Variants in HIPK2 observed in about 807,000 individuals in gnomAD.
The protein encoded by HIPK2 is homeodomain-interacting protein kinase 2.
Under a neutral mutation model 113.7 loss-of-function variants are expected in HIPK2, and 27 were observed. That is an observed-to-expected ratio of 0.24 (90% confidence interval 0.17 to 0.33). The LOEUF is 0.33. Ranked by LOEUF, HIPK2 falls within the 10% of genes least tolerant of loss-of-function variation. The probability of loss-of-function intolerance (pLI) is 1.00; values close to 1 mark genes in which losing one functional copy is unlikely to be tolerated. For synonymous variants in HIPK2, 631 were observed against 642.2 expected (o/e 0.98, Z 0.26); for missense variants, 1,257 against 1,588.0 (o/e 0.79, Z 3.54).
At chr7:139,670,759 CTTTTTTTT>C (rs1156402912) in intron 2 of HIPK2, among the ~76,000 whole-genome samples, 3 of 46,410 alleles carry the variant, frequency 6.5e-5, no homozygotes, top group African/African-American at 8.4e-5. Flanking sequence ...TTCTTTCTTT[CTTTTTTTT>C]TTTTTTTTTT....
chr7:139,769,029 C>T (rs17262676), intron 1 of HIPK2, among the ~76,000 whole-genome samples: 17,066 of 152,212 alleles, frequency 0.11, 1,148 homozygotes, highest in Non-Finnish European at 0.16. Flanking sequence ...CTGTGAAATG[C>T]GAGTGAGCCT....
intron 2 of HIPK2, among the ~76,000 whole-genome samples, chr7:139,639,889 G>GTT (rs1800947823): frequency 6.6e-6 from 1 of 152,162 alleles, no homozygotes; most frequent in South Asian, 2.1e-4. Context: ...CTGTTTCAGA[G>GTT]TTTACATGGT....
chr7:139,578,034 G>A (rs916951896), intron 13 of HIPK2, among the ~76,000 whole-genome samples: 4 of 151,844 alleles, frequency 2.6e-5, no homozygotes, highest in African/African-American at 4.8e-5. Flanking sequence ...TTTTGAGACA[G>A]AGTCTCGCTC....
rs532916717 is a variant in HIPK2 at position 139,776,677 on chromosome 7, T to A, written c.19+928A>T. On this transcript the variant is annotated intron_variant, in intron 1 of 14. Transcript: ENST00000406875. ...TTCAATGATTTCATGAGACAAACATTTACACGATGAAACGACTGAAAAATC... is the reference window on the plus strand; with the variant it reads ...TTCAATGATTTCATGAGACAAACATATACACGATGAAACGACTGAAAAATC... Among the ~76,000 whole-genome samples the A allele has an allele frequency of 2.6e-5, 4 of 152,234 alleles. No individual in the cohort carries two copies. The South Asian group carries it at 8.3e-4, about 32-fold the overall frequency.
chr7:139,571,589 C>T lies in HIPK2; in HGVS notation c.*1338G>A, dbSNP rs1233807085. The T allele has an allele frequency of 6.6e-6, 1 of 152,192 alleles. No individual in the cohort carries two copies. The highest frequency in any genetic ancestry group is 6.5e-5 in the Admixed American group (1 of 15,284). 9.4% of individuals were successfully genotyped at this position (152,192 alleles called of 1,614,324 possible). A position where few individuals can be genotyped will look rare whatever the true frequency, so the allele number is the denominator to read the frequency against. On this transcript the variant is annotated 3_prime_UTR_variant, in exon 15 of 15. Coordinates refer to ENST00000406875, the MANE Select transcript of HIPK2 (RefSeq NM_022740.5). Reference sequence around the variant, plus strand: ...CGGACTCTCTCCTAGCTCCTGCTGGCTTCCCTGGCATCCTTCCGCTAGCAA... The same window carrying T: ...CGGACTCTCTCCTAGCTCCTGCTGGTTTCCCTGGCATCCTTCCGCTAGCAA...
At chr7:139,693,387 AT>A (rs1794468595) in intron 2 of HIPK2, among the ~76,000 whole-genome samples, 1 of 152,248 alleles carries the variant, frequency 6.6e-6, no homozygotes, top group Admixed American at 6.5e-5. Flanking sequence ...GTTTGAACAC[AT>A]TTCATCACAT....
intron 9 of HIPK2, among the ~76,000 whole-genome samples, chr7:139,611,030 C>G (rs1799797629): frequency 6.6e-6 from 1 of 152,208 alleles, no homozygotes; most frequent in Admixed American, 6.5e-5. Flanking sequence ...CTTATAAAAC[C>G]TGACCCAGCC....
rs1796806889 is a variant in HIPK2 at position 139,777,678 on chromosome 7, G to A, written c.-55C>T. The A allele has an allele frequency of 1.8e-6, 2 of 1,088,746 alleles. No homozygotes were observed. The highest frequency in any genetic ancestry group is 2.2e-6 in the Non-Finnish European group (2 of 895,262). 67.4% of individuals were successfully genotyped at this position (1,088,746 alleles called of 1,614,324 possible). A position where few individuals can be genotyped will look rare whatever the true frequency, so the allele number is the denominator to read the frequency against. The stretch of plus-strand genomic sequence containing the variant: ...ACGGGGACGGGAAAGCGGCGCGCGA[G>A]CTCGGCCCCCCCAGCCTCAGTCGGA... On this transcript the variant is annotated 5_prime_UTR_variant, in exon 1 of 15. Coordinates refer to ENST00000406875, the MANE Select transcript of HIPK2 (RefSeq NM_022740.5).
chr7:139,638,703 G>A (rs1308563442), intron 2 of HIPK2, among the ~76,000 whole-genome samples: 1 of 147,162 alleles, frequency 6.8e-6, no homozygotes, highest in Non-Finnish European at 1.5e-5. Context: ...TGTTGCCCAG[G>A]CTGGAGTGCA....
intron 1 of HIPK2, among the ~76,000 whole-genome samples, chr7:139,765,182 G>GCC (rs1796533418): frequency 1.3e-5 from 2 of 151,930 alleles, no homozygotes; most frequent in South Asian, 4.2e-4. Flanking sequence ...ACCTGGTGAT[G>GCC]TATCTAGAAC....
chr7:139,628,872 T>C (rs1800516709), intron 5 of HIPK2, 81 bp downstream of exon 5: 6 of 1,223,012 alleles, frequency 4.9e-6, no homozygotes, highest in Non-Finnish European at 7.0e-6. Context: ...TTTCAACCCA[T>C]TATCTTCTAT....
chr7:139,611,932 T>C (rs992960350), intron 9 of HIPK2, among the ~76,000 whole-genome samples: 1 of 152,188 alleles, frequency 6.6e-6, no homozygotes, highest in African/African-American at 2.4e-5. Flanking sequence ...GAAGTAAATA[T>C]AAATTCAATG....
intron 1 of HIPK2, among the ~76,000 whole-genome samples, chr7:139,745,784 G>C (rs1585449699): frequency 1.3e-5 from 2 of 152,142 alleles, no homozygotes; most frequent in East Asian, 3.9e-4. Context: ...TTGCCGGCTG[G>C]AATCACCTCC....
chr7:139,727,223 A>G (rs1232798009), intron 1 of HIPK2, among the ~76,000 whole-genome samples: 1 of 152,232 alleles, frequency 6.6e-6, no homozygotes, highest in African/African-American at 2.4e-5. Flanking sequence ...TATGAGTCAC[A>G]GGGAAACATC....
chr7:139,664,099 A>C (rs1585347758), intron 2 of HIPK2, among the ~76,000 whole-genome samples: 1 of 152,330 alleles, frequency 6.6e-6, no homozygotes, highest in East Asian at 1.9e-4. Flanking sequence ...CCTCATGCCC[A>C]ATCTGATCCA....
intron 1 of HIPK2, among the ~76,000 whole-genome samples, chr7:139,718,036 G>A (rs769743384): frequency 3.9e-5 from 6 of 152,156 alleles, no homozygotes; most frequent in Non-Finnish European, 7.3e-5. Flanking sequence ...GAGCCACCGT[G>A]TCTGGCCAGA....
intron 2 of HIPK2, among the ~76,000 whole-genome samples, chr7:139,648,229 T>A (rs1001448759): frequency 6.6e-6 from 1 of 152,248 alleles, no homozygotes; most frequent in East Asian, 1.9e-4. Context: ...AGTTTCAACC[T>A]GAGATTCAAT....
chr7:139,699,925 G>A (rs1440679036), intron 2 of HIPK2, among the ~76,000 whole-genome samples: 1 of 152,240 alleles, frequency 6.6e-6, no homozygotes. Flanking sequence ...ACCTTTGTCT[G>A]GGGCACTGAA....
chr7:139,685,579 G>T (rs934403679), intron 2 of HIPK2, among the ~76,000 whole-genome samples: 12 of 152,226 alleles, frequency 7.9e-5, no homozygotes, highest in Non-Finnish European at 1.8e-4. Context: ...GGACAGGCTT[G>T]CTCTCTTGTT....
Sources: gnomAD v4.1 joint callset for allele counts (sites outside exome capture counted in the v4.1 genomes callset) on GRCh38, gnomAD v4.1.1 for gene constraint, MANE v1.5 for transcripts, NCBI Gene and HGNC (gene_info 2026-07-23, HGNC 2026-07-21) for gene names.